The following KLK5 variants were observed in gnomAD, a reference collection of about 807,000 sequenced individuals.
KLK5 encodes the protein kallikrein related peptidase 5.
Under a neutral mutation model 24.0 loss-of-function variants are expected in KLK5, and 18 were observed. That is an observed-to-expected ratio of 0.75 (90% CI 0.52 to 1.11). The LOEUF is 1.11. Ranked by LOEUF, KLK5 falls within the 50% of genes most tolerant of loss-of-function variation. The pLI is 0.00. For missense variants in KLK5, 374 were observed against 379.2 expected (o/e 0.99, Z 0.11); for synonymous variants, 140 against 154.0 (o/e 0.91, Z 0.67).
At position 50,948,609 on chromosome 19, in the gene KLK5, GT is replaced by G. The variant is rs772116598; in HGVS notation, c.726+30del. On this transcript the variant is annotated intron_variant, in intron 5 of 5. Transcript: ENST00000336334. ...ATGTTACCGAGTTGGCACTCAGTGT[GT>G]ATCTGCTGAATAAAGAGAGGTGTCC... is the stretch of plus-strand genomic sequence containing the variant. The G allele has an allele frequency of 1.7e-4, 272 of 1,612,470 alleles. 7 individuals are homozygous for G. The South Asian group carries it at 3.0e-3, about 18-fold the overall frequency.
rs2090672788 is a variant in KLK5, at chr19:50,950,031, C to T, written c.159G>A (p.Gly53=). The change falls in exon 3 of 6, where the codon GGG becomes GGA. Residue 53 remains glycine (G), a synonymous_variant. Coordinates refer to ENST00000336334, the MANE Select transcript of KLK5 (RefSeq NM_012427.5). ...CATCCGACCGGGCGTCTTCCCCGGC[C>T]CCAGCTCCCAGGTCCTGGTTGCTCC... ...PSGSNQDLGA[G]AGEDARSDDS... is the part of the protein sequence containing the mutation. The T allele has an allele frequency of 1.9e-6, 3 of 1,613,650 alleles. No individual in the cohort carries two copies. The highest frequency in any genetic ancestry group is 2.5e-6 in the Non-Finnish European group (3 of 1,179,896).
chr19:50,949,200 C>T, intron 3 of KLK5, 85 bp from the exon 4 acceptor site: 2 of 1,342,556 alleles, frequency 1.5e-6, no homozygotes, highest in Non-Finnish European at 2.0e-6. Flanking sequence ...CCAGCCCCAG[C>T]CCCACCCCCA....
chr19:50,952,086 C>T (rs1023313954), intron 2 of KLK5, among the ~76,000 whole-genome samples: 58 of 152,238 alleles, frequency 3.8e-4, no homozygotes, highest in African/African-American at 1.3e-3. Flanking sequence ...CACACTCAGC[C>T]ACAATCACAT....
Position 50,948,944 on chromosome 19 carries a change from G to GA in KLK5, c.506dup (p.Arg170GlnfsTer33). 3.1e-6 allele frequency: 5 copies of GA among 1,614,086 alleles called. No individual in the cohort carries two copies. Among genetic ancestry groups the GA allele is most frequent in the Non-Finnish European group, 4.2e-6 (5 of 1,180,010 alleles). On this transcript the variant is annotated frameshift_variant, in exon 4 of 6. Transcript: ENST00000336334. LOFTEE classifies it high-confidence loss of function. ...AATGAGAGGAGACGTTGATGGGTCT[G>GA]ACATCTTTAGTGGGACGAATTCTTC... is the stretch of plus-strand genomic sequence containing the variant.
Position 50,948,992 on chromosome 19 carries a change from G to A in KLK5, c.459C>T (p.Asp153=). The change falls in exon 4 of 6, where the codon GAC becomes GAT. Residue 153 remains aspartate, a synonymous_variant. Coordinates refer to ENST00000336334, the MANE Select transcript of KLK5 (RefSeq NM_012427.5). Reference sequence around the variant, plus strand: ...TTCTGTTCAGTTTGATGAGCATGAGGTCGTTAGAGTGGCCAGGGTGGGAGT... The same window carrying A: ...TTCTGTTCAGTTTGATGAGCATGAGATCGTTAGAGTGGCCAGGGTGGGAGT... ...PGYSHPGHSN[D]LMLIKLNRRI... 1.9e-6 allele frequency: 3 copies of A among 1,614,004 alleles called. No homozygotes were observed. Among genetic ancestry groups the A allele is most frequent in the Non-Finnish European group, 2.5e-6 (3 of 1,179,994 alleles).
chr19:50,944,726 A>G (rs2090615978), intron 5 of KLK5, among the ~76,000 whole-genome samples: 1 of 152,166 alleles, frequency 6.6e-6, no homozygotes, highest in South Asian at 2.1e-4. Context: ...GCATCTATCC[A>G]TTAGTTGCCA....
chr19:50,947,517 C>T lies in KLK5; in HGVS notation c.726+1123G>A, dbSNP rs2090646203. 6.6e-6 allele frequency among the ~76,000 whole-genome samples: 1 copy of T among 152,116 alleles called. No individual in the cohort carries two copies. Among genetic ancestry groups the T allele is most frequent in the African/African-American group, 2.4e-5 (1 of 41,418 alleles). On this transcript the variant is annotated intron_variant, in intron 5 of 5. Coordinates refer to ENST00000336334, the MANE Select transcript of KLK5 (RefSeq NM_012427.5). The surrounding 1 kb of genome is among the most constrained non-coding windows in gnomAD (Gnocchi z 8.7). ...AAACCATGTTTTATTTTGGGGTTAA[C>T]CTTTACCACTCTCTGAAATTGCCCT...
intron 5 of KLK5, among the ~76,000 whole-genome samples, chr19:50,948,263 A>T (rs193244810): frequency 6.6e-5 from 10 of 152,066 alleles, no homozygotes; most frequent in Admixed American, 5.9e-4. Flanking sequence ...CTGAGATTAC[A>T]GGCGCCCGCC....
chr19:50,944,466 G>C (rs1386968729), intron 5 of KLK5, among the ~76,000 whole-genome samples: 2 of 152,006 alleles, frequency 1.3e-5, no homozygotes, highest in Non-Finnish European at 2.9e-5. Flanking sequence ...CCCTCATCGT[G>C]TATCTCTCCG....
At position 50,948,640 on chromosome 19, in the gene KLK5, C is replaced by T. The variant is rs917843240; in HGVS notation, c.726G>A (p.Gln242=). The T allele has an allele frequency of 1.9e-5, 31 of 1,613,928 alleles. No individual in the cohort carries two copies. Among genetic ancestry groups the T allele is most frequent in the Non-Finnish European group, 2.5e-5 (30 of 1,179,992 alleles). The change falls in exon 5 of 6, where the codon CAG becomes CAA. Residue 242 remains glutamine, a splice_region_variant and synonymous_variant. Coordinates refer to ENST00000336334, the MANE Select transcript of KLK5 (RefSeq NM_012427.5). ...AGDKAGRDSC[Q]GDSGGPVVCN... ...GCTGAATAAAGAGAGGTGTCCTCAC[C>T]TGGCAGGAGTCTCTACCTGCTTTGT...
intron 5 of KLK5, among the ~76,000 whole-genome samples, chr19:50,945,102 C>CTT (rs1373653465): frequency 2.1e-5 from 3 of 143,204 alleles, no homozygotes; most frequent in African/African-American, 7.7e-5. Context: ...CCCTTCGTCT[C>CTT]TTTTTTTTTT....
chr19:50,952,519 G>T, intron 2 of KLK5, 66 bp downstream of exon 2: 3 of 1,228,760 alleles, frequency 2.4e-6, no homozygotes, highest in Non-Finnish European at 3.4e-6. Context: ...CAGGGGACAG[G>T]CGCTCTAGTG....
Position 50,947,565 on chromosome 19 carries a change from A to G in KLK5, c.726+1075T>C, listed in dbSNP as rs2090646566. Among the ~76,000 whole-genome samples, 1 of 152,194 alleles carries G rather than the reference A, an allele frequency of 6.6e-6. No individual in the cohort carries two copies. Among genetic ancestry groups the G allele is most frequent in the South Asian group, 2.1e-4 (1 of 4,828 alleles). ...CCTATTTATGCAGATTCTTGACCACAGAGTTTTTTATTTTTTAACTTTGTT... is the reference window on the plus strand; with the variant it reads ...CCTATTTATGCAGATTCTTGACCACGGAGTTTTTTATTTTTTAACTTTGTT... On this transcript the variant is annotated intron_variant, in intron 5 of 5. Transcript: ENST00000336334. This position sits in a 1 kb window ranked among gnomAD's most constrained non-coding sequence, Gnocchi z 8.7.
At position 50,943,628 on chromosome 19, in the gene KLK5, G is replaced by T; in HGVS notation, c.*3C>A. On this transcript the variant is annotated 3_prime_UTR_variant, in exon 6 of 6. Transcript: ENST00000336334. ...ATGCCGGTGTGCTGAGTCCTGGGATGACTCAGGAGTTGGCCTGGATGGTTT... is the reference window on the plus strand; with the variant it reads ...ATGCCGGTGTGCTGAGTCCTGGGATTACTCAGGAGTTGGCCTGGATGGTTT... 3 of 1,613,130 alleles carry T rather than the reference G, an allele frequency of 1.9e-6. No individual in the cohort carries two copies. The highest frequency in any genetic ancestry group is 2.5e-6 in the Non-Finnish European group (3 of 1,179,300).
intron 3 of KLK5, among the ~76,000 whole-genome samples, chr19:50,949,444 C>T (rs1386282497): frequency 1.3e-5 from 2 of 151,808 alleles, no homozygotes; most frequent in South Asian, 4.2e-4. Flanking sequence ...AACCCTATCT[C>T]CATGCTATCT....
chr19:50,944,920 T>A (rs577015842), intron 5 of KLK5, among the ~76,000 whole-genome samples: 1 of 152,104 alleles, frequency 6.6e-6, no homozygotes, highest in African/African-American at 2.4e-5. Context: ...TCTTCAACAG[T>A]CATTTTTTTC....
At chr19:50,951,303 G>A (rs1260906952) in intron 2 of KLK5, among the ~76,000 whole-genome samples, 1 of 149,610 alleles carries the variant, frequency 6.7e-6, no homozygotes, top group Non-Finnish European at 1.5e-5. Flanking sequence ...ACGGAGTTTC[G>A]CTCTTGTTGC....
intron 5 of KLK5, among the ~76,000 whole-genome samples, chr19:50,945,521 G>A (rs747193281): frequency 4.6e-5 from 7 of 151,890 alleles, no homozygotes; most frequent in East Asian, 1.9e-4. Context: ...ACCTGGGCAC[G>A]GTGGCTCACA....
At chr19:50,944,387 C>A (rs1297298435) in intron 5 of KLK5, among the ~76,000 whole-genome samples, 1 of 152,074 alleles carries the variant, frequency 6.6e-6, no homozygotes, top group Non-Finnish European at 1.5e-5. Flanking sequence ...CACATCATTT[C>A]GGGGGGGTCT....
Sources: gnomAD v4.1 joint callset for allele counts (sites outside exome capture counted in the v4.1 genomes callset) on GRCh38, gnomAD v4.1.1 for gene constraint, Gnocchi (gnomAD v3.1) non-coding constraint, MANE v1.5 for transcripts, NCBI Gene and HGNC (gene_info 2026-07-23, HGNC 2026-07-21) for gene names.